Variants in PAN3 observed in about 807,000 individuals in gnomAD.
The protein encoded by PAN3 is poly(A) specific ribonuclease subunit PAN3.
PAN3 carries 19 observed loss-of-function variants against 96.2 expected under a neutral mutation model. The observed-to-expected ratio is 0.20, with a 90% CI of 0.14 to 0.29. The LOEUF (loss-of-function observed/expected upper bound fraction) is 0.29. PAN3 is among the 10% of genes least tolerant of loss of function. The probability of loss-of-function intolerance (pLI) is 1.00; values close to 1 mark genes in which losing one functional copy is unlikely to be tolerated. For synonymous variants in PAN3, 433 were observed against 406.6 expected (o/e 1.06, Z -0.78); for missense variants, 882 against 1,108.1 (o/e 0.80, Z 2.90).
chr13:28,169,614 T>C (rs1874041751), intron 1 of PAN3, among the ~76,000 whole-genome samples: 1 of 152,164 alleles, frequency 6.6e-6, no homozygotes, highest in African/African-American at 2.4e-5. Flanking sequence ...ATATTTATGA[T>C]CTGTATAGGA....
chr13:28,186,051 C>T (rs1433267244), intron 4 of PAN3, among the ~76,000 whole-genome samples: 1 of 152,188 alleles, frequency 6.6e-6, no homozygotes, highest in Admixed American at 6.5e-5. Context: ...TGGTTTTCCC[C>T]AACTCTGTTT....
chr13:28,213,473 T>A (rs138933053), intron 5 of PAN3, among the ~76,000 whole-genome samples: 1 of 152,182 alleles, frequency 6.6e-6, no homozygotes, highest in East Asian at 1.9e-4. Context: ...AATTCCATAC[T>A]TGGAAAAAAT....
chr13:28,239,282 A>G (rs953694632), intron 6 of PAN3, among the ~76,000 whole-genome samples: 2 of 151,850 alleles, frequency 1.3e-5, no homozygotes, highest in Non-Finnish European at 2.9e-5. Flanking sequence ...TTTGGCCCTT[A>G]TAATACTTTC....
intron 1 of PAN3, among the ~76,000 whole-genome samples, chr13:28,139,770 A>C (rs1869434111): frequency 6.6e-6 from 1 of 152,042 alleles, no homozygotes; most frequent in South Asian, 2.1e-4. Flanking sequence ...GTTTCCCTGA[A>C]AGCTAGAATA....
intron 5 of PAN3, among the ~76,000 whole-genome samples, chr13:28,209,901 C>T (rs1005186189): frequency 1.3e-5 from 2 of 151,786 alleles, no homozygotes; most frequent in African/African-American, 4.9e-5. Flanking sequence ...CTATTTCAGC[C>T]TCCAGAGTAG....
intron 5 of PAN3, among the ~76,000 whole-genome samples, chr13:28,213,775 A>C (rs894491314): frequency 7.2e-5 from 11 of 152,146 alleles, no homozygotes; most frequent in African/African-American, 2.7e-4. Flanking sequence ...GTAATAGAAA[A>C]TTTAAAAATG....
At chr13:28,234,851 A>G (rs1318081659) in intron 6 of PAN3, among the ~76,000 whole-genome samples, 1 of 152,010 alleles carries the variant, frequency 6.6e-6, no homozygotes, top group Non-Finnish European at 1.5e-5. Context: ...CTTGGCTTTC[A>G]TATTATATCT....
rs1882028939 is a variant in PAN3, at chr13:28,226,641, T to A, written c.1000+6263T>A. On this transcript the variant is annotated intron_variant, in intron 6 of 18. Coordinates refer to ENST00000380958, the MANE Select transcript of PAN3 (RefSeq NM_175854.8). ...ATTGTTAGGTATCTCTTAAGTACAG[T>A]GAATTTTAATTAATAAACATCTTTG... 2.6e-5 allele frequency among the ~76,000 whole-genome samples: 4 copies of A among 152,312 alleles called. No individual in the cohort carries two copies. In the South Asian group the frequency reaches 6.2e-4, roughly 24 times the overall value.
chr13:28,233,175 GA>G (rs1285568376), intron 6 of PAN3, among the ~76,000 whole-genome samples: 10 of 151,720 alleles, frequency 6.6e-5, no homozygotes, highest in Middle Eastern at 3.2e-3. Flanking sequence ...TTAAAAAGTG[GA>G]AAAAAATTAT....
chr13:28,276,018 A>G (rs557322470), intron 14 of PAN3, among the ~76,000 whole-genome samples: 1 of 152,328 alleles, frequency 6.6e-6, no homozygotes, highest in South Asian at 2.1e-4. Flanking sequence ...GTATAACCAT[A>G]TAATGCTAGA....
At position 28,138,759 on chromosome 13, in the gene PAN3, G is replaced by C; in HGVS notation, c.102G>C (p.Gly34=). The change falls in exon 1 of 19, where the codon GGG becomes GGC. Residue 34 remains glycine, a synonymous_variant. Coordinates refer to ENST00000380958, the MANE Select transcript of PAN3 (RefSeq NM_175854.8). ...AVAVVAPPGV[G]GVPGGAAVGV... ...CGGTGGTGGCCCCGCCGGGGGTCGGGGGTGTCCCCGGCGGGGCGGCGGTAG... is the reference window on the plus strand; with the variant it reads ...CGGTGGTGGCCCCGCCGGGGGTCGGCGGTGTCCCCGGCGGGGCGGCGGTAG... 7.4e-7 allele frequency: 1 copy of C among 1,349,728 alleles called. No individual in the cohort carries two copies. The highest frequency in any genetic ancestry group is 9.5e-7 in the Non-Finnish European group (1 of 1,053,420). The allele number at this position is 1,349,728 out of a possible 1,614,324, so 83.6% of individuals were successfully genotyped here.
chr13:28,161,670 C>A (rs933183891), intron 1 of PAN3, among the ~76,000 whole-genome samples: 14 of 152,130 alleles, frequency 9.2e-5, no homozygotes, highest in African/African-American at 3.1e-4. Context: ...TATGGAGCTT[C>A]GGAGTTAGGT....
intron 4 of PAN3, among the ~76,000 whole-genome samples, chr13:28,195,100 A>G (rs1877858082): frequency 1.3e-5 from 2 of 152,158 alleles, no homozygotes; most frequent in Non-Finnish European, 2.9e-5. Context: ...AGGTGGAGGT[A>G]TGTTAGTCTC....
chr13:28,230,851 T>C (rs1400532648), intron 6 of PAN3, among the ~76,000 whole-genome samples: 6 of 152,236 alleles, frequency 3.9e-5, no homozygotes, highest in Non-Finnish European at 8.8e-5. Context: ...CACCATTTAC[T>C]CAAACAGTCA....
chr13:28,139,495 C>T (rs929906093), intron 1 of PAN3, among the ~76,000 whole-genome samples: 1 of 116,550 alleles, frequency 8.6e-6, no homozygotes, highest in Admixed American at 8.7e-5. Context: ...TTGAGGTTCC[C>T]TAGTGGGGAG....
At chr13:28,215,608 A>G in intron 5 of PAN3, 1 of 922,042 alleles carries the variant, frequency 1.1e-6, no homozygotes, top group East Asian at 2.6e-5. Flanking sequence ...CACACAGCCC[A>G]TGTTGCATCC....
At chr13:28,276,655 T>C (rs1887084060) in intron 14 of PAN3, among the ~76,000 whole-genome samples, 2 of 152,156 alleles carry the variant, frequency 1.3e-5, no homozygotes, top group East Asian at 1.9e-4. Context: ...TGGGATGTCA[T>C]TCATTGAGGT....
intron 6 of PAN3, among the ~76,000 whole-genome samples, chr13:28,223,858 G>T (rs1271644967): frequency 6.9e-6 from 1 of 145,930 alleles, no homozygotes; most frequent in Non-Finnish European, 1.5e-5. Flanking sequence ...TAATTTTTGT[G>T]CCATGAAAAG....
rs112414250 is a variant in PAN3, at chr13:28,220,597, A to G, written c.1000+219A>G. 3.2e-4 allele frequency among the ~76,000 whole-genome samples: 49 copies of G among 152,254 alleles called. No homozygotes were observed. The South Asian group carries it at 6.6e-3, about 21-fold the overall frequency. On this transcript the variant is annotated intron_variant, in intron 6 of 18. Coordinates refer to ENST00000380958, the MANE Select transcript of PAN3 (RefSeq NM_175854.8). ...AAATTACATATAAGAATTTTTATAT[A>G]TAAAACTCACAAAAAAATTTAAAGG...
Sources: allele counts gnomAD v4.1 joint callset (sites outside exome capture counted in the v4.1 genomes callset), GRCh38; gene constraint gnomAD v4.1.1; transcripts MANE v1.5; gene names NCBI Gene and HGNC (gene_info 2026-07-23, HGNC 2026-07-21).